The following PTPN4 variants were observed in gnomAD, a reference collection of about 807,000 sequenced individuals.
PTPN4 encodes protein tyrosine phosphatase non-receptor type 4.
In PTPN4, 49 loss-of-function variants were observed where a neutral mutation model predicts 135.5. That is an observed-to-expected ratio of 0.36 (90% CI 0.29 to 0.46). The LOEUF (loss-of-function observed/expected upper bound fraction) is 0.46. Ranked by LOEUF, PTPN4 falls within the 20% of genes least tolerant of loss-of-function variation. The probability of loss-of-function intolerance (pLI) is 1.00; values close to 1 mark genes in which losing one functional copy is unlikely to be tolerated. For synonymous variants in PTPN4, 333 were observed against 369.9 expected (o/e 0.90, Z 1.14); for missense variants, 860 against 1,101.0 (o/e 0.78, Z 3.10).
chr2:119,866,671 C>A (rs1024631060), intron 3 of PTPN4, among the ~76,000 whole-genome samples: 3 of 152,004 alleles, frequency 2.0e-5, no homozygotes, highest in Non-Finnish European at 4.4e-5. Context: ...AGTTTATTTA[C>A]CCTTTGAAGA....
intron 1 of PTPN4, among the ~76,000 whole-genome samples, chr2:119,776,147 A>G (rs1357201842): frequency 6.6e-6 from 1 of 152,174 alleles, no homozygotes; most frequent in Non-Finnish European, 1.5e-5. Context: ...TGGTAGAAGA[A>G]CGATTGGTAC....
chr2:119,872,381 G>A (rs1378983009), intron 3 of PTPN4, among the ~76,000 whole-genome samples: 8 of 152,166 alleles, frequency 5.3e-5, no homozygotes, highest in Non-Finnish European at 1.5e-5. Context: ...ATTAAGATGA[G>A]TAATGGCAGG....
intron 18 of PTPN4, 51 bp downstream of exon 18, chr2:119,946,625 T>C: frequency 7.7e-7 from 1 of 1,304,450 alleles, no homozygotes; most frequent in Middle Eastern, 1.9e-4. Context: ...AATATGTACT[T>C]ATTTTATAAT....
intron 15 of PTPN4, among the ~76,000 whole-genome samples, chr2:119,940,656 C>T (rs1298556593): frequency 2.0e-5 from 3 of 152,010 alleles, no homozygotes; most frequent in Non-Finnish European, 4.4e-5. Flanking sequence ...GAGATGGTGT[C>T]TTGCTATGTT....
Position 119,945,257 on chromosome 2 carries a change from G to T in PTPN4, c.1515+17G>T, listed in dbSNP as rs2105047290. 6.7e-7 allele frequency: 1 copy of T among 1,497,670 alleles called. No individual in the cohort carries two copies. The highest frequency in any genetic ancestry group is 1.8e-4 in the Middle Eastern group (1 of 5,678). The allele number at this position is 1,497,670 out of a possible 1,614,324, so 92.8% of individuals were successfully genotyped here. A position where few individuals can be genotyped will look rare whatever the true frequency, so the allele number is the denominator to read the frequency against. ...AAACCCACTGTAAGTAGCTTCTTCA[G>T]ATATTCTCATTTTTATTTGAATTTT... is the stretch of plus-strand genomic sequence containing the variant. On this transcript the variant is annotated intron_variant, in intron 16 of 26. Coordinates refer to ENST00000263708, the MANE Select transcript of PTPN4 (RefSeq NM_002830.4).
At chr2:119,798,142 C>T (rs1468932712) in intron 1 of PTPN4, among the ~76,000 whole-genome samples, 2 of 151,060 alleles carry the variant, frequency 1.3e-5, no homozygotes, top group African/African-American at 4.9e-5. Flanking sequence ...GCTGTTTATA[C>T]ATATATACCA....
chr2:119,846,749 G>GT (rs1202434822), intron 2 of PTPN4, among the ~76,000 whole-genome samples: 3 of 151,028 alleles, frequency 2.0e-5, no homozygotes, highest in East Asian at 1.9e-4. Flanking sequence ...TCCTTTAATG[G>GT]TTTTTTCAGT....
At chr2:119,945,310 A>AC in intron 16 of PTPN4, 70 bp downstream of exon 16, 1 of 1,397,724 alleles carries the variant, frequency 7.2e-7, no homozygotes, top group South Asian at 1.6e-5. Context: ...TTTCTTTTGT[A>AC]CTTTGGCAGT....
intron 8 of PTPN4, among the ~76,000 whole-genome samples, chr2:119,884,507 CTGAG>C (rs1191299582): frequency 6.6e-6 from 1 of 152,138 alleles, no homozygotes; most frequent in Non-Finnish European, 1.5e-5. Flanking sequence ...AGACTAATGA[CTGAG>C]TTTTTAATGG....
chr2:119,893,833 G>A (rs1678277140), intron 9 of PTPN4, among the ~76,000 whole-genome samples: 1 of 152,092 alleles, frequency 6.6e-6, no homozygotes, highest in African/African-American at 2.4e-5. Context: ...TTAGAAAAGT[G>A]GAGGTCACTG....
At position 119,979,344 on chromosome 2, in the gene PTPN4, T is replaced by G. The variant is rs906158634; in HGVS notation, c.*2274T>G. ...TTGTTTATACTTGTGAGTTTAATAA[T>G]TTCTTGGCAATGAGCACTGCTGCCT... On this transcript the variant is annotated 3_prime_UTR_variant, in exon 27 of 27. Transcript: ENST00000263708. 1 of 152,148 alleles carries G rather than the reference T, an allele frequency of 6.6e-6. No individual in the cohort carries two copies. Among genetic ancestry groups the G allele is most frequent in the African/African-American group, 2.4e-5 (1 of 41,460 alleles). The allele number at this position is 152,148 out of a possible 1,614,324, so 9.4% of individuals were successfully genotyped here.
At chr2:119,773,385 A>G (rs1486186779) in intron 1 of PTPN4, among the ~76,000 whole-genome samples, 3 of 152,068 alleles carry the variant, frequency 2.0e-5, no homozygotes, top group Admixed American at 1.3e-4. Flanking sequence ...GTTTGGGACG[A>G]TTTGAAAAAA....
At chr2:119,788,964 T>C (rs1047673476) in intron 1 of PTPN4, among the ~76,000 whole-genome samples, 1 of 152,196 alleles carries the variant, frequency 6.6e-6, no homozygotes, top group African/African-American at 2.4e-5. Flanking sequence ...CATAGGATAA[T>C]TCTATTTTTC....
At position 119,981,060 on chromosome 2, in the gene PTPN4, C is replaced by CT. The variant is rs1162540476; in HGVS notation, c.*3991dup. On this transcript the variant is annotated 3_prime_UTR_variant, in exon 27 of 27. Coordinates refer to ENST00000263708, the MANE Select transcript of PTPN4 (RefSeq NM_002830.4). ...CTGTATTTTGAACATTTAAAATACT[C>CT]TGATGGTAAGGTTGCCAAAGTAATT... is the stretch of plus-strand genomic sequence containing the variant. 2 of 151,872 alleles carry CT rather than the reference C, an allele frequency of 1.3e-5. No homozygotes were observed. Among genetic ancestry groups the CT allele is most frequent in the Admixed American group, 6.6e-5 (1 of 15,254 alleles). The allele number at this position is 151,872 out of a possible 1,614,324, so 9.4% of individuals were successfully genotyped here.
chr2:119,912,348 T>C (rs1490276431), intron 10 of PTPN4, among the ~76,000 whole-genome samples: 1 of 152,218 alleles, frequency 6.6e-6, no homozygotes, highest in African/African-American at 2.4e-5. Flanking sequence ...ATATGTTCAC[T>C]ATCTTGACTG....
rs140598634 is a variant in PTPN4, at chr2:119,932,535, G to A, written c.1182G>A (p.Pro394=). ...ETQSLPSRSP[P]GTPNHRNSTF... is the part of the protein sequence containing the mutation. The stretch of plus-strand genomic sequence containing the variant: ...AAAGTCTTCCATCACGATCTCCACC[G>A]GGAACTCCTAATCAGTAAGTGTGAA... Residue 394 remains proline, a synonymous_variant, in exon 14 of 27, where the codon CCG becomes CCA. Coordinates refer to ENST00000263708, the MANE Select transcript of PTPN4 (RefSeq NM_002830.4). 32 of 1,608,276 alleles carry A rather than the reference G, an allele frequency of 2.0e-5. No individual in the cohort carries two copies. The highest frequency in any genetic ancestry group is 1.0e-4 in the Admixed American group (6 of 59,418).
chr2:119,965,467 C>G, intron 24 of PTPN4, 30 bp from the exon 25 acceptor site: 2 of 1,578,314 alleles, frequency 1.3e-6, no homozygotes, highest in Non-Finnish European at 1.7e-6. Flanking sequence ...ATACATAAGT[C>G]AAGGTGCATA....
chr2:119,939,262 G>A (rs1016913828), intron 15 of PTPN4, among the ~76,000 whole-genome samples: 2 of 152,172 alleles, frequency 1.3e-5, no homozygotes, highest in African/African-American at 4.8e-5. Flanking sequence ...CTAATCACAA[G>A]ATATTCTAGA....
At chr2:119,802,980 T>G (rs144529133) in intron 1 of PTPN4, among the ~76,000 whole-genome samples, 363 of 152,310 alleles carry the variant, frequency 2.4e-3, no homozygotes, top group Admixed American at 9.9e-3. Context: ...TATGTCAAAT[T>G]GATGTATAAG....
Sources: allele counts gnomAD v4.1 joint callset (sites outside exome capture counted in the v4.1 genomes callset), GRCh38; gene constraint gnomAD v4.1.1; transcripts MANE v1.5; gene names NCBI Gene and HGNC (gene_info 2026-07-23, HGNC 2026-07-21).